ELAPOR2: variants seen among roughly 807,000 people sequenced by gnomAD.
The protein encoded by ELAPOR2 is endosome/lysosome-associated apoptosis and autophagy regulator family member 2.
A neutral mutation model predicts 120.7 loss-of-function variants in ELAPOR2; 89 were observed. The observed-to-expected ratio is 0.74, with a 90% CI of 0.62 to 0.88. The LOEUF is 0.88. Among genes scored for constraint, ELAPOR2 ranks in the 40% least tolerant of loss-of-function variants. ELAPOR2 has a pLI of 0.00. For missense variants in ELAPOR2, 1,134 were observed against 1,251.6 expected (o/e 0.91, Z 1.42); for synonymous variants, 444 against 444.9 (o/e 1.00, Z 0.03).
intron 1 of ELAPOR2, among the ~76,000 whole-genome samples, chr7:87,027,703 G>A (rs1033502399): frequency 2.0e-5 from 3 of 152,148 alleles, no homozygotes; most frequent in Admixed American, 1.3e-4. Flanking sequence ...CCATGCCAAG[G>A]AGAGAAGCCT....
intron 21 of ELAPOR2, among the ~76,000 whole-genome samples, chr7:86,883,448 G>C (rs940413759): frequency 2.3e-4 from 35 of 152,068 alleles, no homozygotes; most frequent in African/African-American, 1.4e-4. Context: ...TATGTGCAAC[G>C]ATATTTATAG....
intron 3 of ELAPOR2, among the ~76,000 whole-genome samples, chr7:86,946,299 C>T (rs958492970): frequency 1.1e-4 from 17 of 152,184 alleles, no homozygotes; most frequent in African/African-American, 4.1e-4. Context: ...TGGTGGGAGT[C>T]TACAATGATA....
At chr7:86,902,169 GTTGTTTGT>G (rs61443089) in intron 18 of ELAPOR2, among the ~76,000 whole-genome samples, 2 of 151,518 alleles carry the variant, frequency 1.3e-5, no homozygotes, top group Non-Finnish European at 2.9e-5. Flanking sequence ...GTCTTTTTTT[GTTGTTTGT>G]TTGTTTGTTT....
At chr7:86,973,815 G>A (rs944648525) in intron 1 of ELAPOR2, among the ~76,000 whole-genome samples, 5 of 152,142 alleles carry the variant, frequency 3.3e-5, no homozygotes, top group African/African-American at 1.2e-4. Flanking sequence ...GCAACAAGAG[G>A]AACACAGCTA....
chr7:87,032,275 T>C (rs1794445345), intron 1 of ELAPOR2, among the ~76,000 whole-genome samples: 1 of 152,204 alleles, frequency 6.6e-6, no homozygotes, highest in African/African-American at 2.4e-5. Flanking sequence ...CAGCATCATT[T>C]GCTTATGAAT....
rs1235933316 is a variant in ELAPOR2 at position 86,879,898 on chromosome 7, A to T, written c.*573T>A. 1 of 152,270 alleles carries T rather than the reference A, an allele frequency of 6.6e-6. No individual in the cohort carries two copies. Among genetic ancestry groups the T allele is most frequent in the Non-Finnish European group, 1.5e-5 (1 of 68,064 alleles). 9.4% of individuals were successfully genotyped at this position (152,270 alleles called of 1,614,324 possible). A position where few individuals can be genotyped will look rare whatever the true frequency, so the allele number is the denominator to read the frequency against. On this transcript the variant is annotated 3_prime_UTR_variant, in exon 22 of 22. Transcript: ENST00000450689. The stretch of plus-strand genomic sequence containing the variant: ...CAAGCACATGCTAACTCTTCCTGAA[A>T]TTTAAATCAAGAGAAGATAACCTAT...
chr7:87,039,707 C>T (rs957435094), intron 1 of ELAPOR2, among the ~76,000 whole-genome samples: 11 of 152,010 alleles, frequency 7.2e-5, no homozygotes, highest in African/African-American at 2.4e-4. Context: ...ATTTCAACAT[C>T]CCTTTATGAT....
intron 10 of ELAPOR2, among the ~76,000 whole-genome samples, chr7:86,923,391 C>A (rs1240866831): frequency 2.0e-5 from 3 of 151,870 alleles, no homozygotes; most frequent in African/African-American, 7.2e-5. Flanking sequence ...CACGTACCCC[C>A]AAAATATATA....
chr7:86,962,676 T>C (rs1791762559), intron 2 of ELAPOR2, among the ~76,000 whole-genome samples: 1 of 152,224 alleles, frequency 6.6e-6, no homozygotes, highest in African/African-American at 2.4e-5. Flanking sequence ...GTGAGTTTCT[T>C]TTTTAATAAA....
At chr7:87,011,305 T>C (rs1793671084) in intron 1 of ELAPOR2, among the ~76,000 whole-genome samples, 1 of 151,428 alleles carries the variant, frequency 6.6e-6, no homozygotes, top group African/African-American at 2.4e-5. Flanking sequence ...CAAAACATGT[T>C]TGCAAATGAA....
intron 8 of ELAPOR2, among the ~76,000 whole-genome samples, chr7:86,930,182 T>C (rs955797471): frequency 9.2e-5 from 14 of 151,968 alleles, no homozygotes; most frequent in African/African-American, 3.4e-4. Flanking sequence ...TAAAATTAAA[T>C]TGTGGTGACT....
intron 18 of ELAPOR2, among the ~76,000 whole-genome samples, chr7:86,902,814 G>A (rs1432454158): frequency 6.6e-6 from 1 of 152,038 alleles, no homozygotes; most frequent in Non-Finnish European, 1.5e-5. Flanking sequence ...CTCTCACTTG[G>A]CTGAGTCTTT....
chr7:86,955,958 C>CAA (rs111479978), intron 2 of ELAPOR2, among the ~76,000 whole-genome samples: 13,727 of 110,634 alleles, frequency 0.12, 715 homozygotes, highest in Middle Eastern at 0.17. Flanking sequence ...CTGCAAAAAA[C>CAA]AAAAAAAAAA....
intron 1 of ELAPOR2, among the ~76,000 whole-genome samples, chr7:86,990,288 T>C (rs1195260915): frequency 6.6e-6 from 1 of 152,144 alleles, no homozygotes; most frequent in Non-Finnish European, 1.5e-5. Flanking sequence ...GACCTCATGA[T>C]CTGCCTGCCT....
At chr7:87,032,889 T>G (rs572691265) in intron 1 of ELAPOR2, among the ~76,000 whole-genome samples, 2 of 152,248 alleles carry the variant, frequency 1.3e-5, no homozygotes, top group South Asian at 4.1e-4. Flanking sequence ...CAGCAGTACA[T>G]AAAGCTTTCC....
chr7:86,989,013 C>T (rs1186741298), intron 1 of ELAPOR2, among the ~76,000 whole-genome samples: 1 of 152,196 alleles, frequency 6.6e-6, no homozygotes, highest in Non-Finnish European at 1.5e-5. Context: ...CCCAACCTAA[C>T]TTAGAGTATT....
chr7:87,034,143 AC>A (rs1257390429), intron 1 of ELAPOR2, among the ~76,000 whole-genome samples: 1 of 152,324 alleles, frequency 6.6e-6, no homozygotes, highest in Non-Finnish European at 1.5e-5. Context: ...ATAATGAAAT[AC>A]ATGCAAAGGA....
intron 1 of ELAPOR2, among the ~76,000 whole-genome samples, chr7:86,976,256 C>T (rs1349433079): frequency 6.6e-6 from 1 of 152,166 alleles, no homozygotes; most frequent in African/African-American, 2.4e-5. Flanking sequence ...CTTGTCACTT[C>T]ATCCCAGGCA....
At chr7:86,984,695 G>A (rs1792646693) in intron 1 of ELAPOR2, among the ~76,000 whole-genome samples, 1 of 152,140 alleles carries the variant, frequency 6.6e-6, no homozygotes, top group Non-Finnish European at 1.5e-5. Context: ...AGTGCGTAGA[G>A]GGAAATTTAT....
Sources: gnomAD v4.1 joint callset for allele counts (sites outside exome capture counted in the v4.1 genomes callset) on GRCh38, gnomAD v4.1.1 for gene constraint, MANE v1.5 for transcripts, NCBI Gene and HGNC (gene_info 2026-07-23, HGNC 2026-07-21) for gene names.